RANBP2: variants seen among roughly 807,000 people sequenced by gnomAD.
The protein encoded by RANBP2 is RAN binding protein 2.
RANBP2 carries 57 observed loss-of-function variants against 303.6 expected under a neutral mutation model. The observed-to-expected ratio is 0.19, with a 90% CI of 0.15 to 0.23. The LOEUF is 0.23. Ranked by LOEUF, RANBP2 falls within the 10% of genes least tolerant of loss-of-function variation. The pLI, the probability that RANBP2 is intolerant of heterozygous loss-of-function variation, is 1.00. For missense variants in RANBP2, 3,138 were observed against 3,780.8 expected, an observed-to-expected ratio of 0.83 and a Z score of 4.46; for synonymous variants, 1,167 against 1,301.5, an observed-to-expected ratio of 0.90 and a Z score of 2.23.
Position 108,764,758 on chromosome 2 carries a change from C to T in RANBP2, c.4219C>T (p.Arg1407Ter). The T allele has an allele frequency of 1.2e-6, 2 of 1,613,924 alleles. No homozygotes were observed. The highest frequency in any genetic ancestry group is 1.7e-6 in the Non-Finnish European group (2 of 1,179,962). Reference sequence around the variant, plus strand: ...AACCAGCCCAGAGAATGTTCAAGATCGATTTGCATTGGTGACTCCAAAGAA... The same window carrying T: ...AACCAGCCCAGAGAATGTTCAAGATTGATTTGCATTGGTGACTCCAAAGAA... ...PKTSPENVQD[R>*]FALVTPKKEG... Residue 1407 changes from arginine (R) to a stop codon, truncating the protein, a stop_gained, in exon 20 of 29, where the codon CGA becomes TGA. Transcript: ENST00000283195. LOFTEE classifies it high-confidence loss of function.
At chr2:109,689,515 A>G in the RANBP2 span, among the ~76,000 whole-genome samples, 1 of 152,202 alleles carries the variant, frequency 6.6e-6, no homozygotes, top group African/African-American at 2.4e-5. Context: ...CAGCAGGCAT[A>G]GAAGAGCAGA....
the RANBP2 span, among the ~76,000 whole-genome samples, chr2:108,954,790 C>T: frequency 6.6e-6 from 1 of 152,062 alleles, no homozygotes; most frequent in Admixed American, 6.5e-5. Flanking sequence ...ATTCTCCTGT[C>T]TCAGCCTCCT....
At chr2:109,536,179 C>T in the RANBP2 span, among the ~76,000 whole-genome samples, 1 of 152,140 alleles carries the variant, frequency 6.6e-6, no homozygotes, top group Non-Finnish European at 1.5e-5. Context: ...CCACCATCCT[C>T]CAGACCCCAG....
chr2:108,910,535 G>T, the RANBP2 span: 1 of 1,612,408 alleles, frequency 6.2e-7, no homozygotes, highest in Non-Finnish European at 8.5e-7. Context: ...CACGTTGTCT[G>T]CAGGGAAATG....
At chr2:109,277,604 C>T in the RANBP2 span, among the ~76,000 whole-genome samples, 2 of 152,200 alleles carry the variant, frequency 1.3e-5, no homozygotes, top group Non-Finnish European at 2.9e-5. Context: ...CTGCACTCCT[C>T]CGCGTGCGTA....
chr2:108,967,677 A>C, the RANBP2 span, among the ~76,000 whole-genome samples: 1 of 152,158 alleles, frequency 6.6e-6, no homozygotes. Flanking sequence ...AATTGCTTCA[A>C]TTTTACTTCA....
chr2:108,765,041 C>A lies in RANBP2; in HGVS notation c.4502C>A (p.Ala1501Asp). 2 of 1,613,906 alleles carry A rather than the reference C, an allele frequency of 1.2e-6. No homozygotes were observed. The highest frequency in any genetic ancestry group is 1.7e-6 in the Non-Finnish European group (2 of 1,179,926). ...QNEGSSTKCA[A>D]CQNPRKQSLP... ...GAGGGGAGCTCTACAAAATGTGCTG[C>A]TTGTCAGAATCCGAGAAAACAGAGT... is the stretch of plus-strand genomic sequence containing the variant. Residue 1501 changes from alanine (A) to aspartate (D), a missense_variant, in exon 20 of 29, where the codon GCT becomes GAT. Physicochemically the swap from Ala to Asp is moderately radical, Grantham distance 126. Coordinates refer to ENST00000283195, the MANE Select transcript of RANBP2 (RefSeq NM_006267.5).
chr2:109,694,621 A>G, the RANBP2 span, among the ~76,000 whole-genome samples: 10 of 152,262 alleles, frequency 6.6e-5, no homozygotes, highest in South Asian at 2.1e-3. Flanking sequence ...CATTGCTATA[A>G]AGAAGTAACT....
the RANBP2 span, among the ~76,000 whole-genome samples, chr2:109,423,475 T>A: frequency 6.6e-6 from 1 of 152,306 alleles, no homozygotes; most frequent in South Asian, 2.1e-4. Flanking sequence ...GGAAAAGGAC[T>A]GCTGACCAAA....
the RANBP2 span, among the ~76,000 whole-genome samples, chr2:108,957,021 C>T: frequency 6.6e-6 from 1 of 152,222 alleles, no homozygotes; most frequent in African/African-American, 2.4e-5. Context: ...AACTCCCGAC[C>T]TCAGGTGATC....
chr2:109,073,096 A>G, the RANBP2 span, among the ~76,000 whole-genome samples: 1,285 of 152,328 alleles, frequency 8.4e-3, 10 homozygotes, highest in East Asian at 0.041. Flanking sequence ...CCCAAACAGA[A>G]TGGAGATATG....
chr2:108,935,246 A>T, the RANBP2 span, among the ~76,000 whole-genome samples: 1 of 152,076 alleles, frequency 6.6e-6, no homozygotes, highest in African/African-American at 2.4e-5. Flanking sequence ...CTGTAATCAC[A>T]TCAGCTTATG....
At chr2:109,350,659 T>C in the RANBP2 span, among the ~76,000 whole-genome samples, 1 of 152,126 alleles carries the variant, frequency 6.6e-6, no homozygotes, top group Admixed American at 6.5e-5. Flanking sequence ...GTTCCTGTTT[T>C]CCCCCACGGT....
At chr2:109,233,172 A>G in the RANBP2 span, among the ~76,000 whole-genome samples, 2 of 152,240 alleles carry the variant, frequency 1.3e-5, no homozygotes. Flanking sequence ...CTCAGTGGAC[A>G]GTCAGGGTGA....
At chr2:109,020,306 A>G in the RANBP2 span, among the ~76,000 whole-genome samples, 3 of 152,220 alleles carry the variant, frequency 2.0e-5, no homozygotes, top group Non-Finnish European at 4.4e-5. Context: ...AAGACAAGCC[A>G]CCACAGGCAC....
the RANBP2 span, among the ~76,000 whole-genome samples, chr2:108,954,196 T>C: frequency 6.6e-6 from 1 of 152,144 alleles, no homozygotes; most frequent in African/African-American, 2.4e-5. Flanking sequence ...GGCATTTCCA[T>C]GTTATGTCCT....
the RANBP2 span, among the ~76,000 whole-genome samples, chr2:108,972,696 T>G: frequency 2.5e-4 from 38 of 152,350 alleles, no homozygotes; most frequent in East Asian, 6.2e-3. Context: ...CGTGATCATT[T>G]GAAAAATAAG....
chr2:109,249,467 C>CTCTCTCTTTCTT, the RANBP2 span, among the ~76,000 whole-genome samples: 2 of 99,290 alleles, frequency 2.0e-5, no homozygotes, highest in Admixed American at 1.1e-4. Flanking sequence ...TTCTCTCTTT[C>CTCTCTCTTTCTT]TCTTTCTTTC....
the RANBP2 span, among the ~76,000 whole-genome samples, chr2:109,163,390 C>CTTTTTTTT: frequency 8.5e-5 from 6 of 70,268 alleles, no homozygotes; most frequent in Admixed American, 2.3e-4. Flanking sequence ...AGCAAATATT[C>CTTTTTTTT]TTTTTTTTTT....
Sources: allele counts gnomAD v4.1 joint callset (sites outside exome capture counted in the v4.1 genomes callset), GRCh38; gene constraint gnomAD v4.1.1; transcripts MANE v1.5; gene names NCBI Gene and HGNC (gene_info 2026-07-23, HGNC 2026-07-21).